The following LRRIQ1 variants were observed in gnomAD, a reference collection of about 807,000 sequenced individuals.
The protein encoded by LRRIQ1 is leucine-rich repeat- and IQ domain-containing protein 1.
LRRIQ1 carries 210 observed loss-of-function variants against 211.9 expected under a neutral mutation model. The ratio of observed to expected loss-of-function variants is 0.99; its 90% CI spans 0.89 to 1.11. The LOEUF (loss-of-function observed/expected upper bound fraction) is 1.11. Ranked by LOEUF, LRRIQ1 falls within the 50% of genes most tolerant of loss-of-function variation. The pLI is 0.00. For synonymous variants in LRRIQ1, 699 were observed against 650.1 expected, an observed-to-expected ratio of 1.08 and a Z score of -1.14; for missense variants, 2,136 against 1,939.5, an observed-to-expected ratio of 1.10 and a Z score of -1.90.
At chr12:85,237,715 A>G (rs1282193227) in intron 26 of LRRIQ1, among the ~76,000 whole-genome samples, 1 of 152,110 alleles carries the variant, frequency 6.6e-6, no homozygotes, top group Non-Finnish European at 1.5e-5. Flanking sequence ...ACTCCTCTAG[A>G]TCCACATAGT....
At chr12:85,189,636 T>G (rs112922223) in intron 24 of LRRIQ1, among the ~76,000 whole-genome samples, 1 of 151,534 alleles carries the variant, frequency 6.6e-6, no homozygotes, top group Non-Finnish European at 1.5e-5. Context: ...ATATAAACAT[T>G]AGTGACTGGA....
chr12:85,207,114 A>G (rs1256697131), intron 24 of LRRIQ1, among the ~76,000 whole-genome samples: 1 of 152,084 alleles, frequency 6.6e-6, no homozygotes, highest in Non-Finnish European at 1.5e-5. Flanking sequence ...TTACGGCATG[A>G]GTGGGTCACT....
intron 11 of LRRIQ1, among the ~76,000 whole-genome samples, chr12:85,074,353 G>A (rs762527909): frequency 6.6e-6 from 1 of 151,854 alleles, no homozygotes; most frequent in African/African-American, 2.4e-5. Context: ...ATGGGATAAT[G>A]TGATGTTTTG....
At chr12:85,201,709 T>C (rs1339121493) in intron 24 of LRRIQ1, among the ~76,000 whole-genome samples, 1 of 152,180 alleles carries the variant, frequency 6.6e-6, no homozygotes, top group Non-Finnish European at 1.5e-5. Context: ...GCTAGTTGTC[T>C]TTCCTATTAA....
intron 24 of LRRIQ1, among the ~76,000 whole-genome samples, chr12:85,165,467 CTTTT>C (rs779566934): frequency 1.2e-4 from 14 of 118,636 alleles, no homozygotes; most frequent in Non-Finnish European, 2.4e-4. Flanking sequence ...TGATTTCTTA[CTTTT>C]TTTTTTTTTT....
chr12:85,160,402 A>G (rs543260667), intron 23 of LRRIQ1, among the ~76,000 whole-genome samples: 11 of 152,152 alleles, frequency 7.2e-5, no homozygotes, highest in African/African-American at 4.8e-5. Flanking sequence ...TTCTTTAAGT[A>G]TTGGCTATTT....
intron 15 of LRRIQ1, among the ~76,000 whole-genome samples, chr12:85,107,075 T>C (rs1029647522): frequency 2.6e-5 from 4 of 152,130 alleles, no homozygotes; most frequent in African/African-American, 9.6e-5. Context: ...CTTGCTCCTC[T>C]TTGGAATATT....
At chr12:85,247,355 C>T (rs184302074), downstream of LRRIQ1, among the ~76,000 whole-genome samples, 142 of 151,662 alleles carry the variant, frequency 9.4e-4, no homozygotes, top group African/African-American at 3.2e-3. Context: ...TTTCTTTTAG[C>T]TTTGCAGGCC....
chr12:85,260,490 G>A (rs936615695), intron 1 of LRRIQ1, among the ~76,000 whole-genome samples: 4 of 151,980 alleles, frequency 2.6e-5, no homozygotes, highest in African/African-American at 9.7e-5. Flanking sequence ...TACTGTAGTG[G>A]AACAAAATGT....
Position 85,079,244 on chromosome 12 carries a change from CTT to C in LRRIQ1, c.2887+6168_2887+6169del, listed in dbSNP as rs3058476. On this transcript the variant is annotated intron_variant, in intron 11 of 26. Coordinates refer to ENST00000393217, the MANE Select transcript of LRRIQ1 (RefSeq NM_001079910.2). ...TAGTGTTCACATGATGTATCTTTAT[CTT>C]TTTTTTTTTTTTTTTTTTTTTGAGA... 2.0e-3 allele frequency among the ~76,000 whole-genome samples: 204 copies of C among 103,546 alleles called. 1 individual carries two copies. The highest frequency in any genetic ancestry group is 7.9e-3 in the African/African-American group (195 of 24,646). The allele number at this position is 103,546 out of a possible 152,430, so 67.9% of individuals were successfully genotyped here. A position where few individuals can be genotyped will look rare whatever the true frequency, so the allele number is the denominator to read the frequency against.
At chr12:85,105,772 G>A (rs1260103059) in intron 14 of LRRIQ1, among the ~76,000 whole-genome samples, 2 of 146,754 alleles carry the variant, frequency 1.4e-5, no homozygotes, top group Non-Finnish European at 3.0e-5. Context: ...TTTAGGACAG[G>A]TCATTTTAGT....
intron 24 of LRRIQ1, among the ~76,000 whole-genome samples, chr12:85,172,833 G>T (rs1044539236): frequency 2.6e-5 from 4 of 152,106 alleles, no homozygotes; most frequent in Admixed American, 6.6e-5. Flanking sequence ...TATTGGCCGG[G>T]TGCAGCAGCT....
intron 15 of LRRIQ1, among the ~76,000 whole-genome samples, chr12:85,119,769 A>G (rs1482989242): frequency 6.6e-6 from 1 of 152,154 alleles, no homozygotes; most frequent in East Asian, 1.9e-4. Flanking sequence ...TCTAATGAAT[A>G]TCATGCCGAA....
chr12:85,226,265 A>G (rs924160535), intron 24 of LRRIQ1, among the ~76,000 whole-genome samples: 1 of 152,152 alleles, frequency 6.6e-6, no homozygotes, highest in Non-Finnish European at 1.5e-5. Context: ...TGTTTTAACT[A>G]AAAGTTTGCT....
intron 17 of LRRIQ1, 38 bp from the exon 18 acceptor site, chr12:85,127,794 A>G (rs776860379): frequency 6.4e-7 from 1 of 1,561,748 alleles, no homozygotes; most frequent in South Asian, 1.2e-5. Flanking sequence ...TTTACAGATA[A>G]TAAAAAAAGT....
intron 24 of LRRIQ1, among the ~76,000 whole-genome samples, chr12:85,207,731 T>C (rs1295447160): frequency 2.0e-5 from 3 of 152,150 alleles, no homozygotes; most frequent in Non-Finnish European, 2.9e-5. Context: ...GATTCTTTTT[T>C]TGGGAGTGGG....
intron 24 of LRRIQ1, among the ~76,000 whole-genome samples, chr12:85,215,890 T>C (rs1246739596): frequency 1.3e-5 from 2 of 152,210 alleles, no homozygotes; most frequent in African/African-American, 4.8e-5. Context: ...AATTGTTCTA[T>C]GTATAGTTCA....
At chr12:85,112,468 T>C (rs1282547700) in intron 15 of LRRIQ1, among the ~76,000 whole-genome samples, 1 of 130,910 alleles carries the variant, frequency 7.6e-6, no homozygotes, top group African/African-American at 3.0e-5. Context: ...ACATATGCTA[T>C]TATTTTCTCA....
At chr12:85,118,415 G>A (rs1887725810) in intron 15 of LRRIQ1, among the ~76,000 whole-genome samples, 1 of 150,076 alleles carries the variant, frequency 6.7e-6, no homozygotes, top group Non-Finnish European at 1.5e-5. Flanking sequence ...ATATTGATGA[G>A]AAAAAAGGTT....
Sources: gnomAD v4.1 joint callset for allele counts (sites outside exome capture counted in the v4.1 genomes callset) on GRCh38, gnomAD v4.1.1 for gene constraint, MANE v1.5 for transcripts, NCBI Gene and HGNC (gene_info 2026-07-23, HGNC 2026-07-21) for gene names.